Variants in SORCS2 observed in about 807,000 individuals in gnomAD.
SORCS2 encodes VPS10 domain-containing receptor SorCS2.
In SORCS2, 100 loss-of-function variants were observed where a neutral mutation model predicts 141.6. The observed-to-expected ratio is 0.71, with a 90% CI of 0.60 to 0.83. The LOEUF (loss-of-function observed/expected upper bound fraction) is 0.83. Ranked by LOEUF, SORCS2 falls within the 40% of genes least tolerant of loss-of-function variation. The pLI, the probability that SORCS2 is intolerant of heterozygous loss-of-function variation, is 0.00. For missense variants in SORCS2, 1,646 were observed against 1,560.2 expected (o/e 1.05, Z -0.93); for synonymous variants, 789 against 676.9 (o/e 1.17, Z -2.57).
intron 18 of SORCS2, among the ~76,000 whole-genome samples, chr4:7,722,244 C>G (rs1405603939): frequency 6.6e-6 from 1 of 152,106 alleles, no homozygotes; most frequent in Non-Finnish European, 1.5e-5. Context: ...GAAACACTTC[C>G]CTCCGTGGAA....
chr4:7,444,014 G>T (rs1166916887), intron 2 of SORCS2, among the ~76,000 whole-genome samples: 1 of 152,258 alleles, frequency 6.6e-6, no homozygotes, highest in African/African-American at 2.4e-5. Flanking sequence ...AGGTAAAGGG[G>T]CTGTCTTATC....
chr4:7,575,051 G>A (rs1715658875), intron 3 of SORCS2, among the ~76,000 whole-genome samples: 1 of 152,204 alleles, frequency 6.6e-6, no homozygotes, highest in Non-Finnish European at 1.5e-5. Context: ...GAGGACACTT[G>A]GTGAAGATCG....
chr4:7,607,794 C>T (rs1718155539), intron 3 of SORCS2, among the ~76,000 whole-genome samples: 2 of 152,074 alleles, frequency 1.3e-5, no homozygotes, highest in South Asian at 4.2e-4. Flanking sequence ...GTCACATTCC[C>T]AGGATCACAT....
intron 5 of SORCS2, among the ~76,000 whole-genome samples, chr4:7,655,129 T>A (rs79684989): frequency 0.023 from 3,546 of 152,236 alleles, 139 homozygotes; most frequent in African/African-American, 0.081. Context: ...CCCGTCCTTC[T>A]GGTCACACTG....
intron 1 of SORCS2, among the ~76,000 whole-genome samples, chr4:7,335,330 C>T (rs2108975788): frequency 6.6e-6 from 1 of 152,334 alleles, no homozygotes; most frequent in African/African-American, 2.4e-5. Flanking sequence ...TGTTTCTGTT[C>T]TGGGCCCTCC....
intron 1 of SORCS2, among the ~76,000 whole-genome samples, chr4:7,241,814 G>A (rs1466875387): frequency 6.6e-6 from 1 of 152,224 alleles, no homozygotes; most frequent in East Asian, 1.9e-4. Flanking sequence ...AGCACTTGGG[G>A]AAATGAGCAA....
chr4:7,534,406 C>T (rs1444986352), intron 3 of SORCS2, among the ~76,000 whole-genome samples: 1 of 152,200 alleles, frequency 6.6e-6, no homozygotes, highest in African/African-American at 2.4e-5. Flanking sequence ...CAGGTGAGTG[C>T]CTGGCAGAGC....
intron 3 of SORCS2, among the ~76,000 whole-genome samples, chr4:7,634,033 C>T (rs1417762334): frequency 1.7e-5 from 2 of 121,196 alleles, no homozygotes; most frequent in African/African-American, 5.2e-5. Flanking sequence ...GGACTTCCTT[C>T]CTTCTTCCTG....
chr4:7,458,237 G>A lies in SORCS2; in HGVS notation c.548+61882G>A, dbSNP rs753408721. ...GGCGGGGCTGGCAGGGAAGTTTGACGCCAGAGGCTGGCACAGGCTGTAGGT... is the reference window on the plus strand; with the variant it reads ...GGCGGGGCTGGCAGGGAAGTTTGACACCAGAGGCTGGCACAGGCTGTAGGT... On this transcript the variant is annotated intron_variant, in intron 2 of 26. Coordinates refer to ENST00000507866, the MANE Select transcript of SORCS2 (RefSeq NM_020777.3). Among the ~76,000 whole-genome samples the A allele has an allele frequency of 8.1e-4, 123 of 152,100 alleles. 1 individual carries two copies. The highest frequency in any genetic ancestry group is 1.4e-3 in the Non-Finnish European group (95 of 68,018).
At chr4:7,713,773 G>GGA (rs1725984843) in intron 15 of SORCS2, among the ~76,000 whole-genome samples, 1 of 152,180 alleles carries the variant, frequency 6.6e-6, no homozygotes, top group Admixed American at 6.5e-5. Context: ...AGGAGGTTTA[G>GGA]GAGCTTGAAT....
At chr4:7,483,952 G>C (rs1466979305) in intron 2 of SORCS2, among the ~76,000 whole-genome samples, 1 of 152,166 alleles carries the variant, frequency 6.6e-6, no homozygotes, top group Non-Finnish European at 1.5e-5. Context: ...ACAAAAACGA[G>C]TCTTTCAGAA....
chr4:7,258,534 T>G (rs1241603975), intron 1 of SORCS2, among the ~76,000 whole-genome samples: 1 of 152,252 alleles, frequency 6.6e-6, no homozygotes, highest in Non-Finnish European at 1.5e-5. Context: ...ATTTTCTTTA[T>G]CCAGTCTATC....
chr4:7,434,151 G>T (rs1274267485), intron 2 of SORCS2: 3 of 1,613,930 alleles, frequency 1.9e-6, no homozygotes, highest in South Asian at 1.1e-5. Flanking sequence ...GCTCCTGCGG[G>T]GGGAGAAGCC....
rs115609305 is a variant in SORCS2 at position 7,255,008 on chromosome 4, A to G, written c.480+61882A>G. ...GGGAGGTGTCTGCTGTGCACAGATG[A>G]GTATGTGAGCATGTGTGTGAGCATG... On this transcript the variant is annotated intron_variant, in intron 1 of 26. Coordinates refer to ENST00000507866, the MANE Select transcript of SORCS2 (RefSeq NM_020777.3). Among the ~76,000 whole-genome samples the G allele has an allele frequency of 9.3e-3, 1,411 of 152,048 alleles. 20 individuals are homozygous for G. The highest frequency in any genetic ancestry group is 0.032 in the African/African-American group (1,332 of 41,462).
chr4:7,448,489 C>A (rs1220595797), intron 2 of SORCS2, among the ~76,000 whole-genome samples: 1 of 8,300 alleles, frequency 1.2e-4, no homozygotes, highest in African/African-American at 1.4e-4. Flanking sequence ...TTCCATGTCT[C>A]CCTTCCTTTC....
In SORCS2 at chr4:7,654,032, T is replaced by C; in HGVS notation, c.814-102T>C. On this transcript the variant is annotated intron_variant, in intron 4 of 26. Transcript: ENST00000507866. ...CGCGTGTCCGCTGGACAAGGATGAC[T>C]TCTCCTGGGGGATCTGCTGTGGTGA... 3 of 1,132,938 alleles carry C rather than the reference T, an allele frequency of 2.6e-6. No homozygotes were observed. The South Asian group carries it at 4.1e-5, about 16-fold the overall frequency. 70.2% of individuals were successfully genotyped at this position (1,132,938 alleles called of 1,614,324 possible).
intron 1 of SORCS2, among the ~76,000 whole-genome samples, chr4:7,310,179 G>C (rs879913428): frequency 1.3e-5 from 2 of 152,200 alleles, no homozygotes; most frequent in Admixed American, 1.3e-4. Context: ...CTGGAGTCCT[G>C]CCCTGGCTGG....
At chr4:7,248,998 A>C (rs1713308735) in intron 1 of SORCS2, among the ~76,000 whole-genome samples, 1 of 152,204 alleles carries the variant, frequency 6.6e-6, no homozygotes, top group African/African-American at 2.4e-5. Flanking sequence ...TCAGTTTGGC[A>C]CTGGTATGTG....
At chr4:7,588,988 G>A (rs1052269099) in intron 3 of SORCS2, among the ~76,000 whole-genome samples, 21 of 152,166 alleles carry the variant, frequency 1.4e-4, no homozygotes, top group African/African-American at 3.1e-4. Context: ...TATGGGCTGC[G>A]GGCCCAGGGA....
Sources: allele counts gnomAD v4.1 joint callset (sites outside exome capture counted in the v4.1 genomes callset), GRCh38; gene constraint gnomAD v4.1.1; transcripts MANE v1.5; gene names NCBI Gene and HGNC (gene_info 2026-07-23, HGNC 2026-07-21).